Variants in SPTLC3 observed in about 807,000 individuals in gnomAD.
SPTLC3 encodes serine palmitoyltransferase 3.
A neutral mutation model predicts 59.3 loss-of-function variants in SPTLC3; 36 were observed. That is an observed-to-expected ratio of 0.61 (90% CI 0.47 to 0.80). The LOEUF is 0.80. Among genes scored for constraint, SPTLC3 ranks in the 30% least tolerant of loss-of-function variants. The probability of loss-of-function intolerance (pLI) is 0.00; values close to 1 mark genes in which losing one functional copy is unlikely to be tolerated. For missense variants in SPTLC3, 625 were observed against 685.1 expected (o/e 0.91, Z 0.98); for synonymous variants, 257 against 240.8 (o/e 1.07, Z -0.62).
At chr20:13,119,023 G>A (rs1347137733) in intron 8 of SPTLC3, among the ~76,000 whole-genome samples, 1 of 152,124 alleles carries the variant, frequency 6.6e-6, no homozygotes, top group Non-Finnish European at 1.5e-5. Context: ...AAAACCATTG[G>A]GAAAGCCCAG....
intron 8 of SPTLC3, among the ~76,000 whole-genome samples, chr20:13,122,810 C>A (rs2037896978): frequency 6.6e-6 from 1 of 152,126 alleles, no homozygotes; most frequent in African/African-American, 2.4e-5. Flanking sequence ...CTTTTCCTTT[C>A]TTTTCACTCC....
At chr20:13,063,495 T>G (rs1028775455) in intron 2 of SPTLC3, among the ~76,000 whole-genome samples, 30 of 152,026 alleles carry the variant, frequency 2.0e-4, no homozygotes, top group Admixed American at 3.3e-4. Context: ...GTCGTGTTTA[T>G]AAAATGTTCC....
In SPTLC3 at chr20:13,154,127, TG is replaced by T. The variant is rs756417858; in HGVS notation, c.1406del (p.Gly469ValfsTer3). The part of the protein sequence containing the change: ...SVVPLLLYMP[G>X]KVAAFARHML... Reference sequence around the variant, plus strand: ...TTGTTCCTCTGCTTCTTTATATGCCTGGTAAAGTAGCGTAAGTATCCAAGGC... The same window carrying T: ...TTGTTCCTCTGCTTCTTTATATGCCTGTAAAGTAGCGTAAGTATCCAAGGC... On this transcript the variant is annotated frameshift_variant, in exon 10 of 12. Coordinates refer to ENST00000399002, the MANE Select transcript of SPTLC3 (RefSeq NM_018327.4). LOFTEE classifies it high-confidence loss of function. 1 of 1,613,942 alleles carries T rather than the reference TG, an allele frequency of 6.2e-7. No homozygotes were observed. Among genetic ancestry groups the T allele is most frequent in the Non-Finnish European group, 8.5e-7 (1 of 1,179,974 alleles).
intron 9 of SPTLC3, among the ~76,000 whole-genome samples, chr20:13,144,331 A>C (rs1219796385): frequency 1.3e-5 from 2 of 152,246 alleles, no homozygotes; most frequent in African/African-American, 4.8e-5. Flanking sequence ...TTAATCTTCC[A>C]CTGAACACAA....
At chr20:13,141,915 G>A (rs1440567559) in intron 9 of SPTLC3, among the ~76,000 whole-genome samples, 1 of 152,182 alleles carries the variant, frequency 6.6e-6, no homozygotes, top group African/African-American at 2.4e-5. Flanking sequence ...TAGCAATCAA[G>A]GTGACAGACA....
intron 8 of SPTLC3, among the ~76,000 whole-genome samples, chr20:13,119,374 C>T (rs1265411859): frequency 6.6e-6 from 1 of 152,170 alleles, no homozygotes; most frequent in Non-Finnish European, 1.5e-5. Context: ...AAGTAAACAC[C>T]AGTTCACCAT....
intron 4 of SPTLC3, among the ~76,000 whole-genome samples, chr20:13,084,591 G>C (rs573953032): frequency 1.6e-4 from 23 of 140,500 alleles, no homozygotes; most frequent in African/African-American, 5.6e-4. Context: ...TCAAAAACTT[G>C]GATGACAATT....
At chr20:13,042,401 C>A (rs1987027347) in intron 1 of SPTLC3, among the ~76,000 whole-genome samples, 1 of 152,178 alleles carries the variant, frequency 6.6e-6, no homozygotes, top group Non-Finnish European at 1.5e-5. Context: ...GGGGCAATAC[C>A]TTCTGGTTTT....
At chr20:13,145,309 TG>T (rs1189536233) in intron 9 of SPTLC3, among the ~76,000 whole-genome samples, 6 of 152,202 alleles carry the variant, frequency 3.9e-5, no homozygotes, top group African/African-American at 9.6e-5. Flanking sequence ...ACAAAATCAA[TG>T]TACTAAAATC....
Position 13,115,913 on chromosome 20 carries a change from C to T in SPTLC3, c.933-1593C>T, listed in dbSNP as rs529556240. ...ACATCACGCAAATTGCCCAAGCTCA[C>T]AGTTAGTAAGCTTAGGCAGCCAGAT... On this transcript the variant is annotated intron_variant, in intron 7 of 11. Transcript: ENST00000399002. 9.2e-5 allele frequency among the ~76,000 whole-genome samples: 14 copies of T among 152,302 alleles called. No homozygotes were observed. The South Asian group carries it at 2.5e-3, about 27-fold the overall frequency.
At position 13,009,241 on chromosome 20, in the gene SPTLC3, T is replaced by G. The variant is rs370653176; in HGVS notation, c.-27T>G. ...CTGCAGAGACCTCTGAAGGAAAACCTGTCCCGGGCTCTGTCACTTCACACC... is the reference window on the plus strand; with the variant it reads ...CTGCAGAGACCTCTGAAGGAAAACCGGTCCCGGGCTCTGTCACTTCACACC... On this transcript the variant is annotated 5_prime_UTR_variant, in exon 1 of 12. Transcript: ENST00000399002. 1.2e-6 allele frequency: 2 copies of G among 1,601,956 alleles called. No individual in the cohort carries two copies. Among genetic ancestry groups the G allele is most frequent in the Non-Finnish European group, 1.7e-6 (2 of 1,169,300 alleles).
chr20:13,069,611 C>T (rs1437722696), intron 2 of SPTLC3, among the ~76,000 whole-genome samples: 1 of 152,096 alleles, frequency 6.6e-6, no homozygotes, highest in Non-Finnish European at 1.5e-5. Flanking sequence ...GTAATGCTCG[C>T]TCACCCGCTG....
chr20:13,024,244 TC>T (rs1312272760), intron 1 of SPTLC3, among the ~76,000 whole-genome samples: 4 of 152,206 alleles, frequency 2.6e-5, no homozygotes, highest in Non-Finnish European at 5.9e-5. Flanking sequence ...ACAGGACCTG[TC>T]TTTTTATCAT....
intron 1 of SPTLC3, among the ~76,000 whole-genome samples, chr20:13,017,722 T>C (rs1427945868): frequency 6.6e-6 from 1 of 152,202 alleles, no homozygotes; most frequent in Non-Finnish European, 1.5e-5. Context: ...AGCCAAAAGA[T>C]TGGACACTCC....
intron 4 of SPTLC3, among the ~76,000 whole-genome samples, chr20:13,088,439 A>G (rs1240043640): frequency 6.6e-6 from 1 of 151,858 alleles, no homozygotes. Context: ...GGTTCACATC[A>G]TTCTCCTGCC....
intron 1 of SPTLC3, among the ~76,000 whole-genome samples, chr20:13,026,064 T>C (rs549104707): frequency 3.9e-5 from 6 of 152,356 alleles, no homozygotes; most frequent in African/African-American, 1.4e-4. Context: ...ACTCTCGTTC[T>C]TTTTTATGGC....
chr20:13,146,373 C>T (rs994736931), intron 9 of SPTLC3, among the ~76,000 whole-genome samples: 10 of 152,002 alleles, frequency 6.6e-5, no homozygotes, highest in East Asian at 1.9e-4. Flanking sequence ...CAAACCCCCA[C>T]GACACGTGTT....
At chr20:13,022,213 A>C (rs529775279) in intron 1 of SPTLC3, among the ~76,000 whole-genome samples, 1 of 152,104 alleles carries the variant, frequency 6.6e-6, no homozygotes, top group Non-Finnish European at 1.5e-5. Flanking sequence ...TCTGCATTCT[A>C]TCTCTCAGTA....
Position 13,110,223 on chromosome 20 carries a change from TA to T in SPTLC3, c.932+9del, listed in dbSNP as rs1485967444. 3.1e-6 allele frequency: 5 copies of T among 1,610,994 alleles called. No homozygotes were observed. The highest frequency in any genetic ancestry group is 2.2e-5 in the East Asian group (1 of 44,780). Reference sequence around the variant, plus strand: ...CTGGTGGAGGGTGTCTACAGGTATGTAAATAACAGGACACATTTTACGACTC... The same window carrying T: ...CTGGTGGAGGGTGTCTACAGGTATGTAATAACAGGACACATTTTACGACTC... On this transcript the variant is annotated splice_region_variant and intron_variant, in intron 7 of 11. Coordinates refer to ENST00000399002, the MANE Select transcript of SPTLC3 (RefSeq NM_018327.4).
Sources: gnomAD v4.1 joint callset for allele counts (sites outside exome capture counted in the v4.1 genomes callset) on GRCh38, gnomAD v4.1.1 for gene constraint, MANE v1.5 for transcripts, NCBI Gene and HGNC (gene_info 2026-07-23, HGNC 2026-07-21) for gene names.